The following EPHA6 variants were observed in gnomAD, a reference collection of about 807,000 sequenced individuals.
EPHA6 encodes ephrin type-A receptor 6.
In EPHA6, 50 loss-of-function variants were observed where a neutral mutation model predicts 112.0. That is an observed-to-expected ratio of 0.45 (90% confidence interval 0.36 to 0.56). The LOEUF is 0.56. Ranked by LOEUF, EPHA6 falls within the 20% of genes least tolerant of loss-of-function variation. EPHA6 has a pLI of 0.00. For synonymous variants in EPHA6, 529 were observed against 490.7 expected (o/e 1.08, Z -1.03); for missense variants, 1,280 against 1,417.4 (o/e 0.90, Z 1.56).
At position 97,037,734 on chromosome 3, in the gene EPHA6, C is replaced by T. The variant is rs1340234417; in HGVS notation, c.1114+49741C>T. Among the ~76,000 whole-genome samples, 2 of 152,012 alleles carry T rather than the reference C, an allele frequency of 1.3e-5. 1 individual carries two copies. Among genetic ancestry groups the T allele is most frequent in the Admixed American group, 1.3e-4 (2 of 15,234 alleles). On this transcript the variant is annotated intron_variant, in intron 3 of 17. Transcript: ENST00000389672. ...ATCTGTTGTCACATACTGGTTGACA[C>T]GTCATACTGGACAGAATAAAGGCAG...
chr3:96,868,282 A>AT (rs1019170774), intron 2 of EPHA6, among the ~76,000 whole-genome samples: 1 of 151,410 alleles, frequency 6.6e-6, no homozygotes, highest in Admixed American at 6.6e-5. Flanking sequence ...CAATTTATTT[A>AT]TTTTTTCTTT....
chr3:96,854,510 G>C (rs1374518225), intron 1 of EPHA6, among the ~76,000 whole-genome samples: 2 of 151,738 alleles, frequency 1.3e-5, no homozygotes, highest in Non-Finnish European at 2.9e-5. Context: ...TCTGTTTTCT[G>C]TTTTTCACAT....
chr3:97,185,110 CCCTAGAAGAAAA>C (rs2077090042), intron 3 of EPHA6, among the ~76,000 whole-genome samples: 1 of 152,094 alleles, frequency 6.6e-6, no homozygotes, highest in South Asian at 2.1e-4. Context: ...GCCATAAAAA[CCCTAGAAGAAAA>C]CCTAGGCAAT....
At position 97,212,611 on chromosome 3, in the gene EPHA6, TCTGA is replaced by T. The variant is rs1455740487; in HGVS notation, c.1115-13650_1115-13647del. 3.9e-5 allele frequency among the ~76,000 whole-genome samples: 6 copies of T among 152,330 alleles called. No individual in the cohort carries two copies. In the Middle Eastern group the frequency reaches 0.014, roughly 345 times the overall value. ...ACTACCCTCAGACTACTAAACTGTT[TCTGA>T]CTCTTTTCCAAATAATGCTGTAACC... is the stretch of plus-strand genomic sequence containing the variant. On this transcript the variant is annotated intron_variant, in intron 3 of 17. Coordinates refer to ENST00000389672, the MANE Select transcript of EPHA6 (RefSeq NM_001080448.3).
At chr3:97,360,388 C>G (rs1254140935) in intron 5 of EPHA6, among the ~76,000 whole-genome samples, 1 of 152,190 alleles carries the variant, frequency 6.6e-6, no homozygotes, top group Non-Finnish European at 1.5e-5. Context: ...ACTCCACTAT[C>G]TTTACAGAAT....
At chr3:97,001,466 T>C (rs1156394874) in intron 3 of EPHA6, among the ~76,000 whole-genome samples, 1 of 151,980 alleles carries the variant, frequency 6.6e-6, no homozygotes, top group Non-Finnish European at 1.5e-5. Flanking sequence ...CAGTTATTCA[T>C]GTGGCCTTTT....
intron 2 of EPHA6, among the ~76,000 whole-genome samples, chr3:96,897,228 A>ACACACC (rs2038329346): frequency 6.6e-6 from 1 of 152,120 alleles, no homozygotes; most frequent in African/African-American, 2.4e-5. Flanking sequence ...ACACACACAC[A>ACACACC]CACACACACA....
At chr3:97,084,842 C>T (rs566486099) in intron 3 of EPHA6, among the ~76,000 whole-genome samples, 18 of 152,018 alleles carry the variant, frequency 1.2e-4, no homozygotes, top group Middle Eastern at 6.8e-3. Flanking sequence ...CTACAATAAC[C>T]GAAACAGCAT....
intron 2 of EPHA6, among the ~76,000 whole-genome samples, chr3:96,869,237 C>A (rs569039276): frequency 6.6e-6 from 1 of 151,830 alleles, no homozygotes; most frequent in African/African-American, 2.4e-5. Flanking sequence ...TGAAGCACAG[C>A]GATAATTATA....
chr3:96,885,899 C>A (rs1041162274), intron 2 of EPHA6, among the ~76,000 whole-genome samples: 3 of 152,058 alleles, frequency 2.0e-5, no homozygotes, highest in African/African-American at 7.2e-5. Context: ...CTTGCTGTAT[C>A]CCAGAGGTGT....
chr3:97,081,479 G>C (rs980114982), intron 3 of EPHA6, among the ~76,000 whole-genome samples: 1 of 151,810 alleles, frequency 6.6e-6, no homozygotes, highest in Non-Finnish European at 1.5e-5. Context: ...GGAGATAGCT[G>C]TTTATCTCTA....
In EPHA6 at chr3:97,672,933, G is replaced by A. The variant is rs1245515742; in HGVS notation, c.2784+34851G>A. Among the ~76,000 whole-genome samples, 4 of 152,250 alleles carry A rather than the reference G, an allele frequency of 2.6e-5. No homozygotes were observed. In the South Asian group the frequency reaches 8.3e-4, roughly 32 times the overall value. ...TTTATTAGCACTCCAAAGTGAAAATGTTCTCCAGTAGTGAGAAGGAAATGG... is the reference window on the plus strand; with the variant it reads ...TTTATTAGCACTCCAAAGTGAAAATATTCTCCAGTAGTGAGAAGGAAATGG... On this transcript the variant is annotated intron_variant, in intron 14 of 17. Transcript: ENST00000389672.
chr3:97,660,658 GC>G (rs1453236879), intron 14 of EPHA6, among the ~76,000 whole-genome samples: 1 of 152,080 alleles, frequency 6.6e-6, no homozygotes, highest in Non-Finnish European at 1.5e-5. Flanking sequence ...AGCTGCCATA[GC>G]CAGAGAGGGC....
chr3:97,204,435 C>T lies in EPHA6; in HGVS notation c.1115-21829C>T, dbSNP rs909345216. 2.6e-5 allele frequency among the ~76,000 whole-genome samples: 4 copies of T among 151,894 alleles called. No homozygotes were observed. In the East Asian group the frequency reaches 7.7e-4, roughly 29 times the overall value. ...GTACAAGACAAGTATTGTTTTCTTC[C>T]GTTCCACAGATGAGAAAAATGAGAC... On this transcript the variant is annotated intron_variant, in intron 3 of 17. Coordinates refer to ENST00000389672, the MANE Select transcript of EPHA6 (RefSeq NM_001080448.3).
chr3:96,830,988 C>T (rs1424414140), intron 1 of EPHA6, among the ~76,000 whole-genome samples: 4 of 151,980 alleles, frequency 2.6e-5, no homozygotes, highest in Non-Finnish European at 4.4e-5. Context: ...TATATATACA[C>T]ACACACACAT....
chr3:97,207,872 A>G (rs2108508661), intron 3 of EPHA6, among the ~76,000 whole-genome samples: 1 of 152,276 alleles, frequency 6.6e-6, no homozygotes, highest in East Asian at 1.9e-4. Context: ...TTATCCAAGC[A>G]CCAGCTTACA....
intron 10 of EPHA6, among the ~76,000 whole-genome samples, chr3:97,519,792 G>T (rs898385598): frequency 1.3e-5 from 2 of 151,222 alleles, no homozygotes; most frequent in African/African-American, 4.9e-5. Flanking sequence ...TTTATTATTG[G>T]TGTGTAGAAA....
intron 2 of EPHA6, among the ~76,000 whole-genome samples, chr3:96,886,496 C>G (rs60482713): frequency 0.016 from 2,443 of 152,286 alleles, 66 homozygotes; most frequent in African/African-American, 0.049. Context: ...AATAACTACC[C>G]TTACTTGCTT....
At chr3:96,959,741 C>A (rs2041891562) in intron 2 of EPHA6, among the ~76,000 whole-genome samples, 1 of 151,178 alleles carries the variant, frequency 6.6e-6, no homozygotes, top group Non-Finnish European at 1.5e-5. Context: ...TTTTGTTTTT[C>A]AGTAATAAAT....
Sources: gnomAD v4.1 joint callset for allele counts (sites outside exome capture counted in the v4.1 genomes callset) on GRCh38, gnomAD v4.1.1 for gene constraint, MANE v1.5 for transcripts, NCBI Gene and HGNC (gene_info 2026-07-23, HGNC 2026-07-21) for gene names.